Variants in NPAS3 observed in about 807,000 individuals in gnomAD.
The protein encoded by NPAS3 is neuronal PAS domain-containing protein 3.
NPAS3 carries 14 observed loss-of-function variants against 73.1 expected under a neutral mutation model. That is an observed-to-expected ratio of 0.19 (90% CI 0.13 to 0.30). The LOEUF is 0.30. NPAS3 is among the 10% of genes least tolerant of loss of function. The pLI is 1.00. For synonymous variants in NPAS3, 620 were observed against 541.5 expected, an observed-to-expected ratio of 1.14 and a Z score of -2.01; for missense variants, 1,096 against 1,250.0, an observed-to-expected ratio of 0.88 and a Z score of 1.86.
At chr14:33,156,769 CT>C (rs1264068782) in intron 2 of NPAS3, among the ~76,000 whole-genome samples, 1 of 152,058 alleles carries the variant, frequency 6.6e-6, no homozygotes, top group Non-Finnish European at 1.5e-5. Flanking sequence ...CCTTTTAATT[CT>C]TCTCTTTTGC....
intron 9 of NPAS3, among the ~76,000 whole-genome samples, chr14:33,793,313 C>T (rs139483958): frequency 1.3e-5 from 2 of 152,176 alleles, no homozygotes; most frequent in African/African-American, 2.4e-5. Context: ...CAACATTCAG[C>T]GAAGTCTCAC....
intron 2 of NPAS3, among the ~76,000 whole-genome samples, chr14:33,156,473 T>C (rs1468214306): frequency 6.6e-6 from 1 of 152,208 alleles, no homozygotes; most frequent in African/African-American, 2.4e-5. Flanking sequence ...AGACAATAGA[T>C]TGGTGCTACA....
chr14:33,024,126 A>ATG (rs756407576), intron 1 of NPAS3, among the ~76,000 whole-genome samples: 9,446 of 144,384 alleles, frequency 0.065, 394 homozygotes, highest in Non-Finnish European at 0.094. Flanking sequence ...GTGTATATAT[A>ATG]TGTGTGTGTG....
chr14:33,776,264 T>A (rs1020158357), intron 8 of NPAS3, among the ~76,000 whole-genome samples: 6 of 152,124 alleles, frequency 3.9e-5, no homozygotes, highest in African/African-American at 9.7e-5. Context: ...GAGGATGGAC[T>A]GTGGCTTTGC....
At chr14:33,792,083 A>G (rs1041586877) in intron 9 of NPAS3, among the ~76,000 whole-genome samples, 3 of 152,212 alleles carry the variant, frequency 2.0e-5, no homozygotes, top group Non-Finnish European at 4.4e-5. Flanking sequence ...GCATGCAACA[A>G]TGGTTTGACA....
At chr14:33,647,041 CA>C (rs942648066) in intron 5 of NPAS3, among the ~76,000 whole-genome samples, 1 of 152,052 alleles carries the variant, frequency 6.6e-6, no homozygotes, top group Non-Finnish European at 1.5e-5. Flanking sequence ...ACTTTTGAAA[CA>C]AAAGTGCTGT....
chr14:33,783,344 G>A lies in NPAS3; in HGVS notation c.1153+4772G>A, dbSNP rs754055807. On this transcript the variant is annotated intron_variant, in intron 9 of 11. Transcript: ENST00000356141. ...TCAGGGGTGGGTCTTCAGGGATTTAGCTGCAACCTGGTCATTGGCTGGACT... is the reference window on the plus strand; with the variant it reads ...TCAGGGGTGGGTCTTCAGGGATTTAACTGCAACCTGGTCATTGGCTGGACT... Among the ~76,000 whole-genome samples, 6 of 152,252 alleles carry A rather than the reference G, an allele frequency of 3.9e-5. No homozygotes were observed. The East Asian group carries it at 9.7e-4, about 25-fold the overall frequency.
At chr14:33,033,588 T>A (rs17099953) in intron 1 of NPAS3, among the ~76,000 whole-genome samples, 14,121 of 152,170 alleles carry the variant, frequency 0.093, 709 homozygotes, top group Non-Finnish European at 0.11. Context: ...TATTAGAAAA[T>A]CAGTAGATCA....
chr14:32,975,307 T>TTCCTCCTTTCCTCCCTTCCTCC (rs71118521), intron 1 of NPAS3, among the ~76,000 whole-genome samples: 11 of 146,312 alleles, frequency 7.5e-5, no homozygotes, highest in African/African-American at 2.7e-4. Context: ...CCTCCCTCCC[T>TTCCTCCTTTCCTCCCTTCCTCC]GCCTCCGTCA....
chr14:33,404,858 G>A (rs1397234954), intron 4 of NPAS3, among the ~76,000 whole-genome samples: 2 of 152,164 alleles, frequency 1.3e-5, no homozygotes, highest in Admixed American at 1.3e-4. Flanking sequence ...GAGTTCTAAC[G>A]CCCAGATCTT....
chr14:33,652,676 C>T (rs1175235012), intron 5 of NPAS3, among the ~76,000 whole-genome samples: 2 of 152,182 alleles, frequency 1.3e-5, no homozygotes, highest in Non-Finnish European at 2.9e-5. Context: ...TGCCTTGGTT[C>T]TCTGTAACAT....
At chr14:33,720,043 A>G (rs1437047587) in intron 6 of NPAS3, among the ~76,000 whole-genome samples, 1 of 152,214 alleles carries the variant, frequency 6.6e-6, no homozygotes, top group African/African-American at 2.4e-5. Flanking sequence ...GCCAAATATA[A>G]GTTCCAAAGA....
At chr14:33,633,739 G>C (rs1359538668) in intron 5 of NPAS3, among the ~76,000 whole-genome samples, 1 of 152,120 alleles carries the variant, frequency 6.6e-6, no homozygotes, top group African/African-American at 2.4e-5. Flanking sequence ...CAGCACCTTG[G>C]GAGGCCAAGG....
Position 33,800,700 on chromosome 14 carries a change from C to T in NPAS3, c.2393C>T (p.Ala798Val), listed in dbSNP as rs1414798530. 11 of 1,546,990 alleles carry T rather than the reference C, an allele frequency of 7.1e-6. No individual in the cohort carries two copies. The highest frequency in any genetic ancestry group is 1.4e-5 in the African/African-American group (1 of 73,160). ...CTGGAGGCGCTGCAGAGGTTGCAGGCGGGCAACGTCGTGCTCCCGCTGGTG... is the reference window on the plus strand; with the variant it reads ...CTGGAGGCGCTGCAGAGGTTGCAGGTGGGCAACGTCGTGCTCCCGCTGGTG... Residue 798 changes from alanine (A) to valine (V), a missense_variant, in exon 12 of 12, where the codon GCG becomes GTG. Around this residue, in one of 5 missense-constraint regions of NPAS3, gnomAD observed 698 missense variants for 676.7 expected, o/e 1.03. Transcript: ENST00000356141. This position sits in a 1 kb window ranked among gnomAD's most constrained non-coding sequence, Gnocchi z 6.5.
rs1337127495 is a variant in NPAS3, at chr14:33,291,291, G to T, written c.385+75865G>T. Among the ~76,000 whole-genome samples the T allele has an allele frequency of 2.0e-5, 3 of 152,154 alleles. No homozygotes were observed. In the East Asian group the frequency reaches 5.8e-4, roughly 29 times the overall value. On this transcript the variant is annotated intron_variant, in intron 3 of 11. Transcript: ENST00000356141. Reference sequence around the variant, plus strand: ...AGGTGTGGTGATAGCACAGATAGGTGGCCGTGCCTAACTTTCTATATCATG... The same window carrying T: ...AGGTGTGGTGATAGCACAGATAGGTTGCCGTGCCTAACTTTCTATATCATG...
chr14:33,640,348 A>G (rs1165881542), intron 5 of NPAS3, among the ~76,000 whole-genome samples: 1 of 152,194 alleles, frequency 6.6e-6, no homozygotes, highest in East Asian at 1.9e-4. Context: ...AGTGGCCTGT[A>G]ATATTTTCCT....
chr14:33,213,409 A>G (rs1187964863), intron 2 of NPAS3, among the ~76,000 whole-genome samples: 1 of 152,222 alleles, frequency 6.6e-6, no homozygotes, highest in Non-Finnish European at 1.5e-5. Context: ...AAATGTTGTT[A>G]GATAAGTTAC....
In NPAS3 at chr14:33,247,084, C is replaced by T. The variant is rs1288379925; in HGVS notation, c.385+31658C>T. The stretch of plus-strand genomic sequence containing the variant: ...GAGATAGTAGGCAAAGACAGAACTT[C>T]CTAGCACTGTATTTGTGCAAACTTC... On this transcript the variant is annotated intron_variant, in intron 3 of 11. Coordinates refer to ENST00000356141, the Ensembl canonical transcript of NPAS3. 1.2e-4 allele frequency among the ~76,000 whole-genome samples: 18 copies of T among 151,982 alleles called. No homozygotes were observed. The East Asian group carries it at 3.1e-3, about 26-fold the overall frequency.
intron 6 of NPAS3, among the ~76,000 whole-genome samples, chr14:33,689,403 G>T (rs1039605318): frequency 6.6e-5 from 10 of 152,152 alleles, no homozygotes; most frequent in Non-Finnish European, 1.3e-4. Flanking sequence ...TATAAATTCT[G>T]TTGAACTAAG....
Sources: allele counts gnomAD v4.1 joint callset (sites outside exome capture counted in the v4.1 genomes callset), GRCh38; gene constraint gnomAD v4.1.1; regional missense constraint gnomAD v4.1.1; non-coding constraint Gnocchi (gnomAD v3.1); transcripts MANE v1.5; gene names NCBI Gene and HGNC (gene_info 2026-07-23, HGNC 2026-07-21).